CCDC178: variants seen among roughly 807,000 people sequenced by gnomAD.
CCDC178 encodes the protein coiled-coil domain-containing protein 178.
CCDC178 carries 126 observed loss-of-function variants against 117.4 expected under a neutral mutation model. The ratio of observed to expected loss-of-function variants is 1.07; its 90% CI spans 0.93 to 1.24. The LOEUF (loss-of-function observed/expected upper bound fraction) is 1.24, where lower values mean the gene tolerates loss of function less well. Ranked by LOEUF, CCDC178 falls within the 50% of genes most tolerant of loss-of-function variation. The pLI, the probability that CCDC178 is intolerant of heterozygous loss-of-function variation, is 0.00. For missense variants in CCDC178, 1,030 were observed against 986.9 expected (o/e 1.04, Z -0.59); for synonymous variants, 283 against 313.4 (o/e 0.90, Z 1.02).
intron 2 of CCDC178, among the ~76,000 whole-genome samples, chr18:33,432,095 A>C (rs1013275597): frequency 1.3e-5 from 2 of 152,168 alleles, no homozygotes; most frequent in Admixed American, 1.3e-4. Context: ...TGGGAGCCAC[A>C]TCAAGTCAGC....
At chr18:33,407,098 T>A (rs896457879) in intron 3 of CCDC178, among the ~76,000 whole-genome samples, 1 of 152,110 alleles carries the variant, frequency 6.6e-6, no homozygotes, top group Admixed American at 6.6e-5. Context: ...AACACATAAT[T>A]CTTTAATCTG....
Position 32,988,822 on chromosome 18 carries a change from ATTG to A in CCDC178, c.2389-14144_2389-14142del, listed in dbSNP as rs1245319473. 3.3e-5 allele frequency among the ~76,000 whole-genome samples: 5 copies of A among 152,212 alleles called. No individual in the cohort carries two copies. The South Asian group carries it at 1.0e-3, about 32-fold the overall frequency. ...ATTGATAAACATAGTAGAAATTAAA[ATTG>A]TTAAGATAATACTATGAGTAATTTT... On this transcript the variant is annotated intron_variant, in intron 21 of 22. Coordinates refer to ENST00000383096, the MANE Select transcript of CCDC178 (RefSeq NM_001105528.4).
intron 22 of CCDC178, among the ~76,000 whole-genome samples, chr18:32,957,191 A>G (rs1192863992): frequency 6.6e-6 from 1 of 152,216 alleles, no homozygotes; most frequent in Non-Finnish European, 1.5e-5. Context: ...TAATAAGAAC[A>G]TGCATTTAAT....
Position 33,029,181 on chromosome 18 carries a change from C to T in CCDC178, c.2389-54500G>A, listed in dbSNP as rs2056285749. 2.0e-5 allele frequency among the ~76,000 whole-genome samples: 3 copies of T among 151,832 alleles called. No homozygotes were observed. The South Asian group carries it at 6.2e-4, about 31-fold the overall frequency. ...CTTCGAAAAGTTTTGATTACTAATTCAATATAATTACTTCTTATAAGTCTA... is the reference window on the plus strand; with the variant it reads ...CTTCGAAAAGTTTTGATTACTAATTTAATATAATTACTTCTTATAAGTCTA... On this transcript the variant is annotated intron_variant, in intron 21 of 22. Transcript: ENST00000383096.
rs910446571 is a variant in CCDC178 at position 32,959,109 on chromosome 18, T to C, written c.2523+15438A>G. Among the ~76,000 whole-genome samples, 4 of 152,208 alleles carry C rather than the reference T, an allele frequency of 2.6e-5. No homozygotes were observed. In the South Asian group the frequency reaches 8.3e-4, roughly 31 times the overall value. ...GTTAAGTGAATGTAAGGTAAATTTA[T>C]GTCTTATATTTGACTGGATTCTAGT... On this transcript the variant is annotated intron_variant, in intron 22 of 22. Transcript: ENST00000383096.
At chr18:33,385,682 G>C (rs1159923985) in intron 5 of CCDC178, among the ~76,000 whole-genome samples, 1 of 152,122 alleles carries the variant, frequency 6.6e-6, no homozygotes, top group Admixed American at 6.5e-5. Context: ...AAGCAACAAT[G>C]TATCAGAATC....
chr18:33,130,765 C>T (rs2058061374), intron 20 of CCDC178, among the ~76,000 whole-genome samples: 1 of 151,926 alleles, frequency 6.6e-6, no homozygotes, highest in South Asian at 2.1e-4. Context: ...TCTTATCAAG[C>T]TTAACAGGCT....
chr18:33,238,453 T>C (rs1444387249), intron 15 of CCDC178, among the ~76,000 whole-genome samples: 1 of 151,876 alleles, frequency 6.6e-6, no homozygotes, highest in African/African-American at 2.4e-5. Context: ...ATATAGATAT[T>C]ATTAAAAAAG....
At chr18:33,283,590 A>G (rs752772596) in intron 12 of CCDC178, among the ~76,000 whole-genome samples, 9 of 152,188 alleles carry the variant, frequency 5.9e-5, no homozygotes, top group Non-Finnish European at 1.2e-4. Flanking sequence ...CCCCATTAAA[A>G]AGTGGGCAAA....
chr18:33,338,782 A>C (rs1267720498), intron 9 of CCDC178, among the ~76,000 whole-genome samples: 1 of 152,132 alleles, frequency 6.6e-6, no homozygotes, highest in African/African-American at 2.4e-5. Flanking sequence ...AAGACTACAC[A>C]TTGTGTACAC....
chr18:33,312,763 C>T (rs143514365), intron 11 of CCDC178, among the ~76,000 whole-genome samples: 6 of 152,284 alleles, frequency 3.9e-5, no homozygotes, highest in East Asian at 1.9e-4. Context: ...GAATGGCTGT[C>T]GCTACACAGG....
intron 21 of CCDC178, among the ~76,000 whole-genome samples, chr18:33,046,623 G>T (rs1482845305): frequency 6.6e-6 from 1 of 152,108 alleles, no homozygotes; most frequent in Non-Finnish European, 1.5e-5. Flanking sequence ...TCAATTTTAT[G>T]ATAATGCTAC....
At chr18:32,960,220 C>T (rs1179113565) in intron 22 of CCDC178, among the ~76,000 whole-genome samples, 1 of 152,120 alleles carries the variant, frequency 6.6e-6, no homozygotes, top group Non-Finnish European at 1.5e-5. Context: ...TCCAAGGCTA[C>T]ACTTTTTATC....
chr18:33,165,043 C>G (rs143960694), intron 20 of CCDC178, among the ~76,000 whole-genome samples: 1 of 152,284 alleles, frequency 6.6e-6, no homozygotes, highest in African/African-American at 2.4e-5. Flanking sequence ...TCATGCTTAT[C>G]TTTTTAGAAA....
chr18:33,042,725 T>A (rs1161102354), intron 21 of CCDC178, among the ~76,000 whole-genome samples: 3 of 151,876 alleles, frequency 2.0e-5, no homozygotes, highest in Non-Finnish European at 2.9e-5. Flanking sequence ...ATTATGACAG[T>A]TGCAACTTAC....
intron 15 of CCDC178, among the ~76,000 whole-genome samples, chr18:33,232,463 A>C (rs971978593): frequency 3.3e-5 from 5 of 152,216 alleles, no homozygotes; most frequent in African/African-American, 1.2e-4. Flanking sequence ...TCAGGAAAGG[A>C]AGATGGATAC....
At chr18:33,002,016 C>A (rs1007563577) in intron 21 of CCDC178, among the ~76,000 whole-genome samples, 2 of 152,046 alleles carry the variant, frequency 1.3e-5, no homozygotes, top group Admixed American at 6.6e-5. Context: ...ACTGGATCAT[C>A]CAGATATGTA....
At chr18:33,440,427 G>C (rs1363170744) in intron 1 of CCDC178, 1 of 152,282 alleles carries the variant, frequency 6.6e-6, no homozygotes, top group Admixed American at 6.6e-5. Flanking sequence ...ATGGGACTGG[G>C]GATTTGGGGA....
At chr18:32,994,586 C>G (rs1009322478) in intron 21 of CCDC178, among the ~76,000 whole-genome samples, 1 of 152,128 alleles carries the variant, frequency 6.6e-6, no homozygotes, top group African/African-American at 2.4e-5. Context: ...GAAGTTGACA[C>G]ACAGTACTTC....
Sources: gnomAD v4.1 joint callset for allele counts (sites outside exome capture counted in the v4.1 genomes callset) on GRCh38, gnomAD v4.1.1 for gene constraint, MANE v1.5 for transcripts, NCBI Gene and HGNC (gene_info 2026-07-23, HGNC 2026-07-21) for gene names.